TFB1M: variants seen among roughly 807,000 people sequenced by gnomAD.
TFB1M encodes dimethyladenosine transferase 1, mitochondrial.
In TFB1M, 27 loss-of-function variants were observed where a neutral mutation model predicts 31.1. The ratio of observed to expected loss-of-function variants is 0.87; its 90% CI spans 0.64 to 1.20. The LOEUF (loss-of-function observed/expected upper bound fraction) is 1.20. TFB1M is among the 50% of genes most tolerant of loss of function. TFB1M has a pLI of 0.00. For synonymous variants in TFB1M, 166 were observed against 151.8 expected (o/e 1.09, Z -0.69); for missense variants, 394 against 418.7 (o/e 0.94, Z 0.51).
intron 5 of TFB1M, 88 bp from the exon 6 acceptor site, chr6:155,260,488 T>C (rs1784342090): frequency 1.3e-6 from 2 of 1,549,766 alleles, no homozygotes; most frequent in Non-Finnish European, 8.9e-7. Context: ...AACAGGAGGA[T>C]GGGCTGTCAA....
the TFB1M span, chr6:155,248,306 C>A: frequency 2.8e-6 from 3 of 1,085,806 alleles, no homozygotes; most frequent in Non-Finnish European, 2.6e-6. Flanking sequence ...CTTTTCAGTT[C>A]TGCGATGGTT....
At chr6:155,248,177 C>A in the TFB1M span, 2 of 1,612,712 alleles carry the variant, frequency 1.2e-6, no homozygotes, top group African/African-American at 1.3e-5. Flanking sequence ...TACCACCTGA[C>A]GGGTGAGGCG....
At chr6:155,303,563 A>T (rs1005646512) in intron 2 of TFB1M, 4 of 152,248 alleles carry the variant, frequency 2.6e-5, no homozygotes, top group Non-Finnish European at 4.4e-5. Context: ...CTATGGTAAC[A>T]TCAAGTAAGT....
downstream of TFB1M, chr6:155,254,606 C>T (rs369672839): frequency 6.2e-6 from 10 of 1,601,312 alleles, no homozygotes; most frequent in Non-Finnish European, 8.6e-6. Context: ...GTTTATTCAA[C>T]AAAATATTAT....
At chr6:155,276,971 A>C (rs1205855726) in intron 5 of TFB1M, among the ~76,000 whole-genome samples, 1 of 152,240 alleles carries the variant, frequency 6.6e-6, no homozygotes, top group African/African-American at 2.4e-5. Flanking sequence ...AGCTGACAAT[A>C]TTATATGCAA....
chr6:155,300,354 A>G (rs1021553339), intron 2 of TFB1M, among the ~76,000 whole-genome samples: 5 of 152,220 alleles, frequency 3.3e-5, no homozygotes, highest in Admixed American at 2.0e-4. Flanking sequence ...TTAAATTACC[A>G]CTAGTTAGTA....
chr6:155,259,039 T>TG (rs1303034947), intron 6 of TFB1M, among the ~76,000 whole-genome samples: 1 of 152,166 alleles, frequency 6.6e-6, no homozygotes, highest in East Asian at 1.9e-4. Flanking sequence ...TTCACTTAGC[T>TG]GGGGGGTTGC....
chr6:155,307,849 G>C (rs1276815072), intron 2 of TFB1M, among the ~76,000 whole-genome samples: 1 of 151,618 alleles, frequency 6.6e-6, no homozygotes, highest in Non-Finnish European at 1.5e-5. Flanking sequence ...TTAAGAATTT[G>C]TGTTGGGCCG....
chr6:155,260,399 A>G lies in TFB1M; in HGVS notation c.668T>C (p.Val223Ala). The G allele has an allele frequency of 6.2e-7, 1 of 1,614,182 alleles. No homozygotes were observed. The highest frequency in any genetic ancestry group is 8.5e-7 in the Non-Finnish European group (1 of 1,180,036). The change falls in exon 6 of 7, where the codon GTG (valine) becomes GCG (alanine). Residue 223 changes from valine to alanine, a missense_variant and splice_region_variant. Val to Ala is a moderately conservative substitution (Grantham distance 64). This residue lies in a region of TFB1M where 115 missense variants were observed against 144.1 expected (regional missense o/e 0.80). Coordinates refer to ENST00000367166, the MANE Select transcript of TFB1M (RefSeq NM_016020.4). ...PGQAFVPKPE[V>A]DVGVVHFTPL... ...AGTGAAGTGCACCACGCCCACGTCC[A>G]CCTTCGTTGTAAGCAAACATATTAT...
chr6:155,279,446 A>G (rs1785386835), intron 5 of TFB1M, among the ~76,000 whole-genome samples: 1 of 152,144 alleles, frequency 6.6e-6, no homozygotes, highest in African/African-American at 2.4e-5. Flanking sequence ...ATGACCTCCA[A>G]GGTTTAGGCT....
rs555279876 is a variant in TFB1M, at chr6:155,302,528, A to AT, written c.286-3944dup. Reference sequence around the variant, plus strand: ...GTCAAAATGTCAATTAGCTTGCTTTATTTTTTTTTAGTATGTAAAATAACT... The same window carrying AT: ...GTCAAAATGTCAATTAGCTTGCTTTATTTTTTTTTTAGTATGTAAAATAACT... On this transcript the variant is annotated intron_variant, in intron 2 of 6. Coordinates refer to ENST00000367166, the MANE Select transcript of TFB1M (RefSeq NM_016020.4). Among the ~76,000 whole-genome samples, 223 of 151,344 alleles carry AT rather than the reference A, an allele frequency of 1.5e-3. 6 individuals are homozygous for AT. In the South Asian group the frequency reaches 0.043, roughly 29 times the overall value.
At chr6:155,290,599 G>T (rs1188145698) in intron 4 of TFB1M, among the ~76,000 whole-genome samples, 2 of 151,912 alleles carry the variant, frequency 1.3e-5, no homozygotes, top group Non-Finnish European at 2.9e-5. Flanking sequence ...TAAAGAAAAA[G>T]AATTGCATAT....
chr6:155,259,802 C>T (rs1489697906), intron 6 of TFB1M, among the ~76,000 whole-genome samples: 1 of 152,202 alleles, frequency 6.6e-6, no homozygotes, highest in Non-Finnish European at 1.5e-5. Context: ...CCCAGTGATT[C>T]CTGAGAGCCT....
At chr6:155,248,107 A>C in the TFB1M span, 1 of 1,614,206 alleles carries the variant, frequency 6.2e-7, no homozygotes. Flanking sequence ...GAGAGTGCTC[A>C]AGTACCCGCT....
At chr6:155,313,220 T>G (rs904665770) in intron 1 of TFB1M, 2 of 151,342 alleles carry the variant, frequency 1.3e-5, no homozygotes, top group Non-Finnish European at 2.9e-5. Context: ...GCACTCCAGC[T>G]TGGGCAACAA....
intron 5 of TFB1M, among the ~76,000 whole-genome samples, chr6:155,269,324 C>CTTTTTTTTTTT (rs60162262): frequency 1.6e-5 from 2 of 127,266 alleles, no homozygotes; most frequent in Non-Finnish European, 3.2e-5. Context: ...CTTTTCTTTT[C>CTTTTTTTTTTT]TTTTTTTTTT....
chr6:155,233,195 A>G, the TFB1M span, among the ~76,000 whole-genome samples: 1 of 152,366 alleles, frequency 6.6e-6, no homozygotes, highest in East Asian at 1.9e-4. Context: ...CCTACCCCGT[A>G]GTAGTTTAAA....
At chr6:155,304,320 A>G (rs376409753) in intron 2 of TFB1M, among the ~76,000 whole-genome samples, 5 of 152,064 alleles carry the variant, frequency 3.3e-5, no homozygotes, top group African/African-American at 1.2e-4. Flanking sequence ...GGCAATACTA[A>G]CAATACAATG....
downstream of TFB1M, among the ~76,000 whole-genome samples, chr6:155,252,451 AGAGT>A (rs1255936207): frequency 6.6e-6 from 1 of 152,358 alleles, no homozygotes; most frequent in African/African-American, 2.4e-5. Flanking sequence ...CCTGTGCGAC[AGAGT>A]GAGACCCTGT....
Sources: allele counts gnomAD v4.1 joint callset (sites outside exome capture counted in the v4.1 genomes callset), GRCh38; gene constraint gnomAD v4.1.1; regional missense constraint gnomAD v4.1.1; transcripts MANE v1.5; gene names NCBI Gene and HGNC (gene_info 2026-07-23, HGNC 2026-07-21).